SNX29: variants seen among roughly 807,000 people sequenced by gnomAD.
The protein encoded by SNX29 is sorting nexin 29.
In SNX29, 78 loss-of-function variants were observed where a neutral mutation model predicts 102.1. The ratio of observed to expected loss-of-function variants is 0.76; its 90% CI spans 0.64 to 0.92. The LOEUF is 0.92. SNX29 is among the 40% of genes least tolerant of loss of function. The pLI is 0.00. For synonymous variants in SNX29, 580 were observed against 414.5 expected, an observed-to-expected ratio of 1.40 and a Z score of -4.85; for missense variants, 1,280 against 1,061.7, an observed-to-expected ratio of 1.21 and a Z score of -2.86.
intron 11 of SNX29, chr16:12,089,858 C>T (rs887857741): frequency 2.5e-6 from 1 of 400,358 alleles, no homozygotes; most frequent in Non-Finnish European, 4.9e-6. Flanking sequence ...TGCTCCTTCC[C>T]TCCGCCCTCC....
intron 11 of SNX29, among the ~76,000 whole-genome samples, chr16:12,120,371 C>G (rs1465299079): frequency 1.3e-5 from 2 of 152,184 alleles, no homozygotes; most frequent in East Asian, 3.8e-4. Flanking sequence ...CTATATAAAG[C>G]CAGGGAGTTA....
chr16:12,093,553 A>G (rs1201106597), intron 11 of SNX29: 1 of 152,216 alleles, frequency 6.6e-6, no homozygotes, highest in Non-Finnish European at 1.5e-5. Context: ...GTTGTAGGCT[A>G]CTGTGAGCCT....
chr16:12,534,222 G>A (rs8055769), intron 20 of SNX29, among the ~76,000 whole-genome samples: 10,303 of 152,296 alleles, frequency 0.068, 505 homozygotes, highest in South Asian at 0.18. Context: ...GTCCATTGGA[G>A]TAATCGTCGG....
intron 15 of SNX29, among the ~76,000 whole-genome samples, chr16:12,324,259 G>A (rs902307734): frequency 3.9e-5 from 6 of 152,010 alleles, no homozygotes; most frequent in African/African-American, 1.2e-4. Flanking sequence ...CTGGTCTCTC[G>A]GTGCTGCAGA....
At chr16:12,537,835 T>G (rs190353715) in intron 20 of SNX29, among the ~76,000 whole-genome samples, 213 of 152,174 alleles carry the variant, frequency 1.4e-3, no homozygotes, top group African/African-American at 4.2e-3. Context: ...TAAGAAGTTG[T>G]CTGGCTGGGC....
At chr16:12,020,682 G>C (rs1363263204) in intron 3 of SNX29, among the ~76,000 whole-genome samples, 1 of 150,160 alleles carries the variant, frequency 6.7e-6, no homozygotes, top group Non-Finnish European at 1.5e-5. Context: ...GGAGTGCAGT[G>C]GTGCCATCTC....
intron 13 of SNX29, among the ~76,000 whole-genome samples, chr16:12,197,305 C>G (rs1018121244): frequency 6.6e-6 from 1 of 152,114 alleles, no homozygotes; most frequent in Admixed American, 6.5e-5. Flanking sequence ...CGTGGTGGCT[C>G]ACACCTGTAA....
At chr16:12,206,140 GACCTTGACCCTGCCCTGGTTGT>G (rs1471059360) in intron 14 of SNX29, among the ~76,000 whole-genome samples, 1 of 152,172 alleles carries the variant, frequency 6.6e-6, no homozygotes, top group Non-Finnish European at 1.5e-5. Flanking sequence ...ATTATCATGT[GACCTTGACCCTGCCCTGGTTGT>G]GTCATTCAGA....
intron 15 of SNX29, among the ~76,000 whole-genome samples, chr16:12,287,359 C>G (rs903680198): frequency 1.3e-5 from 2 of 152,210 alleles, no homozygotes; most frequent in African/African-American, 4.8e-5. Context: ...GGCTGTATCT[C>G]ACAGGTGTCT....
chr16:12,426,712 C>G (rs1379638901), intron 18 of SNX29, among the ~76,000 whole-genome samples: 1 of 152,222 alleles, frequency 6.6e-6, no homozygotes, highest in Non-Finnish European at 1.5e-5. Context: ...GTCGCCCAGG[C>G]TGGAGTGCAG....
At chr16:12,466,399 A>G (rs763309218) in intron 18 of SNX29, among the ~76,000 whole-genome samples, 3 of 152,246 alleles carry the variant, frequency 2.0e-5, no homozygotes, top group Non-Finnish European at 4.4e-5. Flanking sequence ...GAAAAGTCCC[A>G]TTTATAATAA....
At chr16:12,225,995 C>T (rs1018560753) in intron 14 of SNX29, among the ~76,000 whole-genome samples, 62 of 152,204 alleles carry the variant, frequency 4.1e-4, no homozygotes, top group Non-Finnish European at 8.5e-4. Flanking sequence ...CCTCATCCTC[C>T]GGCATTCTAG....
At chr16:12,219,948 G>A (rs60865627) in intron 14 of SNX29, among the ~76,000 whole-genome samples, 1 of 152,136 alleles carries the variant, frequency 6.6e-6, no homozygotes, top group African/African-American at 2.4e-5. Context: ...ACGTGCACGT[G>A]CACGCACACA....
intron 11 of SNX29, among the ~76,000 whole-genome samples, chr16:12,084,458 A>G (rs1274960940): frequency 6.6e-6 from 1 of 152,238 alleles, no homozygotes; most frequent in African/African-American, 2.4e-5. Context: ...GGAGCAAACT[A>G]AAACACCCAT....
chr16:12,262,797 AGT>A (rs1049884264), intron 14 of SNX29, among the ~76,000 whole-genome samples: 2 of 152,166 alleles, frequency 1.3e-5, no homozygotes, highest in Non-Finnish European at 1.5e-5. Context: ...ACGTGTTCTA[AGT>A]GTATAATTCA....
In SNX29 at chr16:12,524,644, T is replaced by G. The variant is rs892906883; in HGVS notation, c.2179-58T>G. On this transcript the variant is annotated intron_variant, in intron 19 of 20. Coordinates refer to ENST00000566228, the MANE Select transcript of SNX29 (RefSeq NM_032167.5). Reference sequence around the variant, plus strand: ...ATGGGTGATCGCCTGTTCTATAGGGTCATTTCTGACCAGGTGAGGAAGACG... The same window carrying G: ...ATGGGTGATCGCCTGTTCTATAGGGGCATTTCTGACCAGGTGAGGAAGACG... The G allele has an allele frequency of 3.3e-4, 521 of 1,572,670 alleles. 2 individuals carry two copies. Among genetic ancestry groups the G allele is most frequent in the Middle Eastern group, 3.4e-4 (2 of 5,958 alleles).
intron 18 of SNX29, among the ~76,000 whole-genome samples, chr16:12,475,966 T>C (rs186182889): frequency 1.3e-5 from 2 of 152,216 alleles, no homozygotes; most frequent in Non-Finnish European, 2.9e-5. Flanking sequence ...CTTGCCACTC[T>C]CCAAGGGAAG....
chr16:12,366,152 A>C (rs1048157396), intron 16 of SNX29, among the ~76,000 whole-genome samples: 6 of 151,826 alleles, frequency 4.0e-5, no homozygotes, highest in African/African-American at 1.4e-4. Context: ...TGATGCAGTA[A>C]GCCTGAAAAC....
At chr16:12,565,985 C>T (rs1298069492) in intron 20 of SNX29, among the ~76,000 whole-genome samples, 11 of 152,142 alleles carry the variant, frequency 7.2e-5, no homozygotes, top group Admixed American at 7.2e-4. Flanking sequence ...AACCTGAGAC[C>T]ACTTCTGCAC....
Sources: gnomAD v4.1 joint callset for allele counts (sites outside exome capture counted in the v4.1 genomes callset) on GRCh38, gnomAD v4.1.1 for gene constraint, MANE v1.5 for transcripts, NCBI Gene and HGNC (gene_info 2026-07-23, HGNC 2026-07-21) for gene names.